SLIT1: variants seen among roughly 807,000 people sequenced by gnomAD.
SLIT1 encodes the protein slit guidance ligand 1.
In SLIT1, 66 loss-of-function variants were observed where a neutral mutation model predicts 186.1. The observed-to-expected ratio is 0.35, with a 90% CI of 0.29 to 0.44. SLIT1 has a LOEUF of 0.44. Ranked by LOEUF, SLIT1 falls within the 20% of genes least tolerant of loss-of-function variation. The probability of loss-of-function intolerance (pLI) is 1.00; values close to 1 mark genes in which losing one functional copy is unlikely to be tolerated. For missense variants in SLIT1, 1,638 were observed against 2,037.4 expected (o/e 0.80, Z 3.77); for synonymous variants, 761 against 833.8 (o/e 0.91, Z 1.50).
At chr10:97,092,465 C>A (rs1849242417) in intron 4 of SLIT1, among the ~76,000 whole-genome samples, 1 of 152,192 alleles carries the variant, frequency 6.6e-6, no homozygotes, top group South Asian at 2.1e-4. Context: ...GGTCAAGCAC[C>A]TGAAAGCCTC....
chr10:97,085,329 G>A (rs1184628136), intron 4 of SLIT1, among the ~76,000 whole-genome samples: 2 of 151,898 alleles, frequency 1.3e-5, no homozygotes, highest in Admixed American at 6.6e-5. Flanking sequence ...AAAACATGAT[G>A]TATTTCCTTG....
intron 30 of SLIT1, among the ~76,000 whole-genome samples, chr10:97,012,075 T>TACACACACACACACAC (rs35171328): frequency 3.1e-5 from 4 of 130,826 alleles, no homozygotes; most frequent in African/African-American, 1.2e-4. Context: ...TCAAGCCCAG[T>TACACACACACACACAC]ACACACACAC....
At chr10:97,056,290 G>T (rs1442234969) in intron 13 of SLIT1, 31 bp downstream of exon 13, 2 of 1,611,996 alleles carry the variant, frequency 1.2e-6, no homozygotes, top group South Asian at 2.2e-5. Flanking sequence ...CCTGCTGGGA[G>T]GGGAGAAGAA....
At chr10:97,160,000 TG>T (rs1850005720) in intron 3 of SLIT1, among the ~76,000 whole-genome samples, 2 of 152,144 alleles carry the variant, frequency 1.3e-5, no homozygotes, top group Admixed American at 1.3e-4. Flanking sequence ...CATTACTGAA[TG>T]GTAGATGTGG....
intron 4 of SLIT1, among the ~76,000 whole-genome samples, chr10:97,086,492 C>A (rs535317332): frequency 6.6e-6 from 1 of 151,888 alleles, no homozygotes; most frequent in Non-Finnish European, 1.5e-5. Context: ...GCAAGAGAAT[C>A]GCTTGAATCC....
intron 4 of SLIT1, chr10:97,102,267 C>G (rs985400065): frequency 6.6e-6 from 1 of 151,866 alleles, no homozygotes; most frequent in African/African-American, 2.4e-5. Context: ...ACTAAAAATA[C>G]AAAAATTCCC....
At chr10:97,147,721 T>G (rs1329255842) in intron 4 of SLIT1, among the ~76,000 whole-genome samples, 2 of 152,190 alleles carry the variant, frequency 1.3e-5, no homozygotes, top group East Asian at 3.9e-4. Context: ...CATGGCTTCC[T>G]CTTCCTATTA....
chr10:97,134,361 G>A (rs929009813), intron 4 of SLIT1, among the ~76,000 whole-genome samples: 2 of 152,102 alleles, frequency 1.3e-5, no homozygotes, highest in Non-Finnish European at 2.9e-5. Flanking sequence ...CCAGTCTCCC[G>A]GGTGACACCT....
intron 21 of SLIT1, among the ~76,000 whole-genome samples, chr10:97,039,701 G>C (rs770698334): frequency 3.9e-5 from 6 of 152,232 alleles, no homozygotes; most frequent in Non-Finnish European, 7.3e-5. Context: ...AATGACAGGC[G>C]GGAAAGCAAG....
chr10:97,037,833 G>A, intron 21 of SLIT1, 67 bp from the exon 22 acceptor site: 6 of 1,341,950 alleles, frequency 4.5e-6, no homozygotes, highest in Non-Finnish European at 6.3e-6. Flanking sequence ...GCTGGGGACA[G>A]CCTTCCCTGC....
chr10:97,035,225 G>A (rs1848628874), intron 22 of SLIT1, among the ~76,000 whole-genome samples: 1 of 152,152 alleles, frequency 6.6e-6, no homozygotes, highest in Non-Finnish European at 1.5e-5. Flanking sequence ...AGCTTCCTTT[G>A]TACTCAGCCC....
chr10:97,003,033 C>T (rs763105084), intron 34 of SLIT1, 41 bp from the exon 35 acceptor site: 4 of 1,570,364 alleles, frequency 2.5e-6, no homozygotes, highest in East Asian at 2.2e-5. Flanking sequence ...GAGTAAAGCT[C>T]GGGCTATGCC....
intron 4 of SLIT1, among the ~76,000 whole-genome samples, chr10:97,107,566 G>A (rs7074984): frequency 0.29 from 43,417 of 152,012 alleles, 6,829 homozygotes; most frequent in African/African-American, 0.43. Flanking sequence ...TTTAAGCCAT[G>A]GAGGACTACT....
chr10:97,074,778 C>T (rs1849030877), intron 4 of SLIT1, among the ~76,000 whole-genome samples: 1 of 152,230 alleles, frequency 6.6e-6, no homozygotes, highest in East Asian at 1.9e-4. Flanking sequence ...TGGCACCATC[C>T]CCAGGCACCC....
At chr10:97,044,485 G>C (rs371544493) in intron 18 of SLIT1, among the ~76,000 whole-genome samples, 1 of 151,806 alleles carries the variant, frequency 6.6e-6, no homozygotes, top group Non-Finnish European at 1.5e-5. Flanking sequence ...GTCAACACAG[G>C]GTAGCCAACT....
At chr10:97,113,864 A>G (rs557131632) in intron 4 of SLIT1, among the ~76,000 whole-genome samples, 38 of 152,290 alleles carry the variant, frequency 2.5e-4, no homozygotes, top group African/African-American at 8.7e-4. Flanking sequence ...AAGATTTTTA[A>G]GGTGAATTTT....
intron 1 of SLIT1, among the ~76,000 whole-genome samples, chr10:97,166,644 G>GA (rs1491510523): frequency 2.5e-5 from 1 of 39,752 alleles, no homozygotes. Flanking sequence ...AGAAAAGAAA[G>GA]GAAAGGAAAA....
chr10:97,154,066 A>T (rs2134715903), intron 4 of SLIT1: 1 of 152,214 alleles, frequency 6.6e-6, no homozygotes, highest in Non-Finnish European at 1.5e-5. Flanking sequence ...CAACTGGGGG[A>T]GTTAACAGAG....
Position 97,185,892 on chromosome 10 carries a change from C to A in SLIT1, c.-218G>T. ...CGCCTTGGGCGGAGGGGGCTCGGCT[C>A]CTCTGCCGTTTCGCCGCCTGCGTCT... is the stretch of plus-strand genomic sequence containing the variant. On this transcript the variant is annotated 5_prime_UTR_variant, in exon 1 of 37. Transcript: ENST00000266058. 1 of 496,112 alleles carries A rather than the reference C, an allele frequency of 2.0e-6. No individual in the cohort carries two copies. Among genetic ancestry groups the A allele is most frequent in the Non-Finnish European group, 3.5e-6 (1 of 284,896 alleles). 30.7% of individuals were successfully genotyped at this position (496,112 alleles called of 1,614,324 possible).
Sources: allele counts gnomAD v4.1 joint callset (sites outside exome capture counted in the v4.1 genomes callset), GRCh38; gene constraint gnomAD v4.1.1; transcripts MANE v1.5; gene names NCBI Gene and HGNC (gene_info 2026-07-23, HGNC 2026-07-21).